The following DLC1 variants were observed in gnomAD, a reference collection of about 807,000 sequenced individuals.
DLC1 encodes the protein DLC1 Rho GTPase activating protein, also known as rho GTPase-activating protein 7.
Under a neutral mutation model 140.3 loss-of-function variants are expected in DLC1, and 54 were observed. That is an observed-to-expected ratio of 0.38 (90% CI 0.31 to 0.48). The LOEUF is 0.48. Ranked by LOEUF, DLC1 falls within the 20% of genes least tolerant of loss-of-function variation. DLC1 has a pLI of 0.96. For missense variants in DLC1, 2,536 were observed against 1,907.0 expected (o/e 1.33, Z -6.14); for synonymous variants, 986 against 728.1 (o/e 1.35, Z -5.70).
intron 5 of DLC1, among the ~76,000 whole-genome samples, chr8:13,123,821 T>C (rs989185276): frequency 6.6e-6 from 1 of 152,186 alleles, no homozygotes. Flanking sequence ...CAATAAATAT[T>C]ACATAAAGAA....
chr8:13,305,428 C>T (rs886431472), intron 4 of DLC1, 126 bp from the exon 5 acceptor site: 3 of 916,970 alleles, frequency 3.3e-6, no homozygotes, highest in Non-Finnish European at 4.8e-6. Flanking sequence ...GAAAAATTAG[C>T]ATTTTGGAAC....
At position 13,581,921 on chromosome 8, in the gene DLC1, G is replaced by GA. The variant is rs955350034; in HGVS notation, c.-126+22615dup. 3.1e-4 allele frequency among the ~76,000 whole-genome samples: 47 copies of GA among 151,988 alleles called. 1 individual carries two copies. The highest frequency in any genetic ancestry group is 9.4e-4 in the African/African-American group (39 of 41,428). ...AAGTCCACGCATCAAAGGCAGCTAG[G>GA]AAAAAAAATTTAATGCATTTAAAAA... On this transcript the variant is annotated intron_variant, in intron 1 of 1. Coordinates refer to the DLC1 transcript ENST00000631382.
chr8:13,452,042 A>C (rs1799087265), intron 2 of DLC1, among the ~76,000 whole-genome samples: 1 of 152,210 alleles, frequency 6.6e-6, no homozygotes, highest in South Asian at 2.1e-4. Context: ...ATTGCCATTA[A>C]GTCTGGCTTG....
chr8:13,476,319 G>C (rs775656966), intron 2 of DLC1, among the ~76,000 whole-genome samples: 1 of 152,108 alleles, frequency 6.6e-6, no homozygotes, highest in Non-Finnish European at 1.5e-5. Flanking sequence ...TAAAAAATCT[G>C]GATTGAGGTT....
chr8:13,579,354 T>TA (rs1804977700), intron 1 of DLC1, among the ~76,000 whole-genome samples: 1 of 31,098 alleles, frequency 3.2e-5, no homozygotes, highest in East Asian at 1.5e-3. Context: ...TATATATATA[T>TA]ATATATATTT....
intron 4 of DLC1, among the ~76,000 whole-genome samples, chr8:13,355,951 A>G (rs1033093105): frequency 6.6e-5 from 10 of 151,734 alleles, no homozygotes; most frequent in Admixed American, 2.0e-4. Flanking sequence ...TTAGCCAGGC[A>G]TAGTGGCGGG....
chr8:13,244,174 T>A (rs111871966), intron 5 of DLC1, among the ~76,000 whole-genome samples: 56 of 152,300 alleles, frequency 3.7e-4, no homozygotes, highest in African/African-American at 1.3e-3. Flanking sequence ...CTTCCTTCCT[T>A]CAGGCTATGA....
At chr8:13,525,358 T>C (rs1053585702) in intron 1 of DLC1, among the ~76,000 whole-genome samples, 4 of 152,220 alleles carry the variant, frequency 2.6e-5, no homozygotes. Context: ...TGTAAATACC[T>C]AGTAGTAAGT....
chr8:13,406,436 TA>T lies in DLC1; in HGVS notation c.1024-4818del, dbSNP rs1032039523. Among the ~76,000 whole-genome samples the T allele has an allele frequency of 5.9e-5, 9 of 152,264 alleles. No individual in the cohort carries two copies. In the South Asian group the frequency reaches 1.0e-3, roughly 18 times the overall value. ...TTCATATTTGTGCAGCTATAAATTT[TA>T]AAAAAGTTTATAGTGTCAAATTCTG... is the stretch of plus-strand genomic sequence containing the variant. On this transcript the variant is annotated intron_variant, in intron 2 of 17. Coordinates refer to ENST00000276297, the MANE Select transcript of DLC1 (RefSeq NM_182643.3).
At chr8:13,520,622 TAAAAAAAG>T (rs1472755000) in intron 1 of DLC1, among the ~76,000 whole-genome samples, 1 of 151,148 alleles carries the variant, frequency 6.6e-6, no homozygotes, top group Non-Finnish European at 1.5e-5. Flanking sequence ...AAAGTATAAT[TAAAAAAAG>T]AAAAAAAGAA....
intron 5 of DLC1, among the ~76,000 whole-genome samples, chr8:13,198,670 ACTT>A: frequency 6.6e-6 from 1 of 151,346 alleles, no homozygotes; most frequent in Admixed American, 6.6e-5. Flanking sequence ...TGTGTAAACA[ACTT>A]CTCGTTAACC....
intron 3 of DLC1, among the ~76,000 whole-genome samples, chr8:13,394,332 A>G (rs1309939029): frequency 2.0e-5 from 3 of 152,186 alleles, no homozygotes; most frequent in African/African-American, 7.2e-5. Context: ...GCATAAAGCA[A>G]AGTGCTGGTA....
chr8:13,092,392 T>A (rs1389365433), intron 13 of DLC1, among the ~76,000 whole-genome samples: 1 of 152,164 alleles, frequency 6.6e-6, no homozygotes, highest in African/African-American at 2.4e-5. Context: ...GTTCGATGGA[T>A]TTTGTCTGTG....
intron 4 of DLC1, among the ~76,000 whole-genome samples, chr8:13,351,527 G>T (rs1381463155): frequency 6.6e-6 from 1 of 152,186 alleles, no homozygotes; most frequent in African/African-American, 2.4e-5. Context: ...AAAAGTGACA[G>T]AATATATTGT....
rs1198803504 is a variant in DLC1, at chr8:13,395,023, TATCTATCTATC to T, written c.1174-1341_1174-1331del. Among the ~76,000 whole-genome samples the T allele has an allele frequency of 1.2e-3, 102 of 88,048 alleles. 1 individual carries two copies. Among genetic ancestry groups the T allele is most frequent in the African/African-American group, 2.7e-3 (44 of 16,386 alleles). The allele number at this position is 88,048 out of a possible 152,430, so 57.8% of individuals were successfully genotyped here. A position where few individuals can be genotyped will look rare whatever the true frequency, so the allele number is the denominator to read the frequency against. ...TACATATTCTATCTATCTATCTATC[TATCTATCTATC>T]ATCTATCTATCTATCTATTAGGTAC... On this transcript the variant is annotated intron_variant, in intron 3 of 17. Coordinates refer to ENST00000276297, the MANE Select transcript of DLC1 (RefSeq NM_182643.3).
chr8:13,521,205 AGAACATGGACACAGG>A (rs1157699834), intron 1 of DLC1, among the ~76,000 whole-genome samples: 2 of 152,112 alleles, frequency 1.3e-5, no homozygotes, highest in East Asian at 3.9e-4. Context: ...GAACAATGAA[AGAACATGGACACAGG>A]GAGGGGAACA....
At chr8:13,154,933 T>C (rs543837255) in intron 5 of DLC1, among the ~76,000 whole-genome samples, 25 of 152,322 alleles carry the variant, frequency 1.6e-4, no homozygotes, top group South Asian at 1.2e-3. Context: ...AAAAAACTTA[T>C]GTTTTTAAAA....
At chr8:13,219,491 A>G (rs1440624988) in intron 5 of DLC1, among the ~76,000 whole-genome samples, 2 of 148,986 alleles carry the variant, frequency 1.3e-5, no homozygotes, top group African/African-American at 2.4e-5. Flanking sequence ...ATAATTATAT[A>G]TTTAACTTAC....
chr8:13,299,088 A>G (rs75036255), intron 5 of DLC1, among the ~76,000 whole-genome samples: 12,615 of 152,136 alleles, frequency 0.083, 593 homozygotes, highest in South Asian at 0.17. Flanking sequence ...ATTATAAGTC[A>G]TAAGGCTAGT....
Sources: allele counts gnomAD v4.1 joint callset (sites outside exome capture counted in the v4.1 genomes callset), GRCh38; gene constraint gnomAD v4.1.1; transcripts MANE v1.5; gene names NCBI Gene and HGNC (gene_info 2026-07-23, HGNC 2026-07-21).